Variants in R3HCC1L observed in about 807,000 individuals in gnomAD.
The protein encoded by R3HCC1L is coiled-coil domain-containing protein R3HCC1L.
Under a neutral mutation model 59.9 loss-of-function variants are expected in R3HCC1L, and 51 were observed. That is an observed-to-expected ratio of 0.85 (90% CI 0.68 to 1.07). The LOEUF is 1.07. R3HCC1L is among the 50% of genes least tolerant of loss of function. The probability of loss-of-function intolerance (pLI) is 0.00; values close to 1 mark genes in which losing one functional copy is unlikely to be tolerated. For synonymous variants in R3HCC1L, 322 were observed against 315.2 expected, an observed-to-expected ratio of 1.02 and a Z score of -0.23; for missense variants, 965 against 933.0, an observed-to-expected ratio of 1.03 and a Z score of -0.45.
rs1849273837 is a variant in R3HCC1L at position 98,178,450 on chromosome 10, T to C, written c.-15+15053T>C. ...CTCTGTTTTGGTACCAGTACCATGC[T>C]GTTTTGGTTACTGTAGCCTTGTAGT... On this transcript the variant is annotated intron_variant, in intron 4 of 9. Coordinates refer to ENST00000298999, the MANE Select transcript of R3HCC1L (RefSeq NM_001351015.2). Among the ~76,000 whole-genome samples the C allele has an allele frequency of 2.0e-5, 3 of 152,228 alleles. No homozygotes were observed. The South Asian group carries it at 6.2e-4, about 31-fold the overall frequency.
chr10:98,136,390 A>C (rs1489883442), intron 1 of R3HCC1L, among the ~76,000 whole-genome samples: 1 of 152,092 alleles, frequency 6.6e-6, no homozygotes, highest in Non-Finnish European at 1.5e-5. Context: ...TTGGTACCAG[A>C]GTGTTTCAAA....
At chr10:98,231,015 A>G in intron 5 of R3HCC1L, 1 of 418,552 alleles carries the variant, frequency 2.4e-6, no homozygotes, top group South Asian at 1.8e-5. Flanking sequence ...CTGTCTCCTC[A>G]CCCTTTAATA....
intron 1 of R3HCC1L, among the ~76,000 whole-genome samples, chr10:98,148,540 A>G (rs986329375): frequency 2.0e-5 from 3 of 152,064 alleles, no homozygotes; most frequent in African/African-American, 7.2e-5. Flanking sequence ...TATAGCCTTT[A>G]TTATTTTGTA....
intron 4 of R3HCC1L, 40 bp from the exon 5 acceptor site, chr10:98,208,061 G>C (rs1227415833): frequency 5.3e-6 from 8 of 1,519,664 alleles, no homozygotes; most frequent in Non-Finnish European, 6.2e-6. Flanking sequence ...TCAATACATT[G>C]TAATTAGTGT....
intron 9 of R3HCC1L, among the ~76,000 whole-genome samples, chr10:98,239,588 C>G (rs1857312411): frequency 6.6e-6 from 1 of 152,116 alleles, no homozygotes; most frequent in South Asian, 2.1e-4. Context: ...GCTAAGTCCT[C>G]CATGTTTTTC....
chr10:98,199,904 A>G (rs1408410031), intron 4 of R3HCC1L, among the ~76,000 whole-genome samples: 2 of 152,098 alleles, frequency 1.3e-5, no homozygotes, highest in African/African-American at 4.8e-5. Flanking sequence ...GTAGAATTGT[A>G]TAATAGTCTG....
At chr10:98,224,935 G>T (rs995139658) in intron 5 of R3HCC1L, among the ~76,000 whole-genome samples, 1 of 152,096 alleles carries the variant, frequency 6.6e-6, no homozygotes, top group African/African-American at 2.4e-5. Context: ...CCACATGTAT[G>T]GTTTTGCATT....
chr10:98,153,803 CAAAA>C (rs10708491), intron 1 of R3HCC1L, among the ~76,000 whole-genome samples: 9 of 135,120 alleles, frequency 6.7e-5, no homozygotes, highest in African/African-American at 8.3e-5. Flanking sequence ...TGTTTTACAT[CAAAA>C]AAAAAAAAAA....
At chr10:98,159,053 G>A (rs1407348079) in intron 2 of R3HCC1L, among the ~76,000 whole-genome samples, 3 of 152,110 alleles carry the variant, frequency 2.0e-5, no homozygotes, top group African/African-American at 7.2e-5. Flanking sequence ...TGATCCTCTT[G>A]CCTTGGCCTT....
intron 9 of R3HCC1L, among the ~76,000 whole-genome samples, chr10:98,241,151 A>G (rs1448077996): frequency 1.3e-5 from 2 of 152,108 alleles, no homozygotes; most frequent in Admixed American, 1.3e-4. Flanking sequence ...CTTCTCCTTG[A>G]TCTACTATGT....
Position 98,236,098 on chromosome 10 carries a change from G to A in R3HCC1L, c.2203G>A (p.Gly735Arg). The A allele has an allele frequency of 6.2e-7, 1 of 1,613,946 alleles. No individual in the cohort carries two copies. Among genetic ancestry groups the A allele is most frequent in the East Asian group, 2.2e-5 (1 of 44,876 alleles). ...CAGAAGGTTAGTCATCAGTGCCCTT[G>A]GGGTTCGAAGTAAGCAGAGCAAAAC... is the stretch of plus-strand genomic sequence containing the variant. ...LARRLVISAL[G>R]VRSKQSKTER... is the part of the protein sequence containing the mutation. The change falls in exon 9 of 10, where the codon GGG (glycine) becomes AGG (arginine). Residue 735 changes from glycine (G) to arginine (R), a missense_variant. Physicochemically the swap from Gly to Arg is moderately radical, Grantham distance 125. Transcript: ENST00000298999.
At chr10:98,136,745 G>C (rs1423972297) in intron 1 of R3HCC1L, among the ~76,000 whole-genome samples, 1 of 152,036 alleles carries the variant, frequency 6.6e-6, no homozygotes, top group Non-Finnish European at 1.5e-5. Context: ...GCTGAGGCGC[G>C]AGAATCGCTT....
chr10:98,185,111 A>G (rs1412156664), intron 4 of R3HCC1L, among the ~76,000 whole-genome samples: 4 of 152,266 alleles, frequency 2.6e-5, no homozygotes, highest in Non-Finnish European at 5.9e-5. Flanking sequence ...TAGAAGTCCC[A>G]TTTCTTTATT....
chr10:98,161,710 A>G lies in R3HCC1L; in HGVS notation c.-212-1173A>G, dbSNP rs74531903. Among the ~76,000 whole-genome samples the G allele has an allele frequency of 3.7e-3, 570 of 152,226 alleles. 19 individuals are homozygous for G. The East Asian group carries it at 0.075, about 20-fold the overall frequency. ...TTGCCCCAGTGTTCTTTGATATGCT[A>G]CCTTTATCATATATGAAATTTCCAT... On this transcript the variant is annotated intron_variant, in intron 2 of 9. Transcript: ENST00000298999.
At chr10:98,221,616 C>T (rs1161496760) in intron 5 of R3HCC1L, among the ~76,000 whole-genome samples, 1 of 151,384 alleles carries the variant, frequency 6.6e-6, no homozygotes, top group Non-Finnish European at 1.5e-5. Flanking sequence ...GTTTTCCCAG[C>T]ACCATTTATT....
At chr10:98,240,069 G>T (rs1261404674) in intron 9 of R3HCC1L, among the ~76,000 whole-genome samples, 1 of 152,180 alleles carries the variant, frequency 6.6e-6, no homozygotes, top group Non-Finnish European at 1.5e-5. Context: ...ATTTTGGGAT[G>T]CCAAAGTGGG....
chr10:98,195,876 T>G (rs527398911), intron 4 of R3HCC1L, among the ~76,000 whole-genome samples: 1 of 152,334 alleles, frequency 6.6e-6, no homozygotes, highest in Non-Finnish European at 1.5e-5. Context: ...GTATACTGAC[T>G]ATTGCTAAAG....
intron 4 of R3HCC1L, among the ~76,000 whole-genome samples, chr10:98,203,544 A>G (rs572481632): frequency 6.6e-6 from 1 of 152,346 alleles, no homozygotes; most frequent in African/African-American, 2.4e-5. Context: ...CAGATGTCTC[A>G]TGTGAGTCTT....
At chr10:98,175,477 ACCTGAC>A (rs1422638238) in intron 4 of R3HCC1L, among the ~76,000 whole-genome samples, 1 of 152,092 alleles carries the variant, frequency 6.6e-6, no homozygotes, top group East Asian at 1.9e-4. Context: ...TCAGCCCCTT[ACCTGAC>A]CCCAAGCTTC....
Sources: gnomAD v4.1 joint callset for allele counts (sites outside exome capture counted in the v4.1 genomes callset) on GRCh38, gnomAD v4.1.1 for gene constraint, MANE v1.5 for transcripts, NCBI Gene and HGNC (gene_info 2026-07-23, HGNC 2026-07-21) for gene names.